The following CHRM3 variants were observed in gnomAD, a reference collection of about 807,000 sequenced individuals.
CHRM3 encodes cholinergic receptor muscarinic 3.
A neutral mutation model predicts 41.8 loss-of-function variants in CHRM3; 11 were observed. The ratio of observed to expected loss-of-function variants is 0.26; its 90% CI spans 0.17 to 0.44. The LOEUF (loss-of-function observed/expected upper bound fraction) is 0.44, where lower values mean the gene tolerates loss of function less well. Among genes scored for constraint, CHRM3 ranks in the 20% least tolerant of loss-of-function variants. CHRM3 has a pLI of 1.00. For missense variants in CHRM3, 571 were observed against 745.4 expected (o/e 0.77, Z 2.72); for synonymous variants, 297 against 301.4 (o/e 0.99, Z 0.15).
At chr1:239,722,283 C>A (rs567037716) in intron 5 of CHRM3, among the ~76,000 whole-genome samples, 1 of 152,004 alleles carries the variant, frequency 6.6e-6, no homozygotes, top group South Asian at 2.1e-4. Context: ...GACTCAATAG[C>A]TAACAAAACA....
chr1:239,784,775 T>C (rs1346534455), intron 5 of CHRM3, among the ~76,000 whole-genome samples: 2 of 152,216 alleles, frequency 1.3e-5, no homozygotes, highest in East Asian at 3.8e-4. Context: ...AGTGACTGAA[T>C]TAACTTATTA....
At chr1:239,859,431 T>G (rs77271811) in intron 6 of CHRM3, among the ~76,000 whole-genome samples, 64,814 of 136,586 alleles carry the variant, frequency 0.47, 16,000 homozygotes, top group Middle Eastern at 0.57. Context: ...TTTTTTTTTT[T>G]GTTTTTTTTT....
intron 5 of CHRM3, among the ~76,000 whole-genome samples, chr1:239,787,433 C>T (rs1668993685): frequency 6.6e-6 from 1 of 151,932 alleles, no homozygotes; most frequent in African/African-American, 2.4e-5. Flanking sequence ...TTGAAAGAAG[C>T]CAGCCTGGAG....
At chr1:239,742,962 A>G (rs534026527) in intron 5 of CHRM3, among the ~76,000 whole-genome samples, 1 of 152,298 alleles carries the variant, frequency 6.6e-6, no homozygotes, top group East Asian at 1.9e-4. Flanking sequence ...TTGGACAGCT[A>G]CCAGGTTTAT....
At chr1:239,410,574 C>T (rs900083788) in intron 1 of CHRM3, among the ~76,000 whole-genome samples, 14 of 152,116 alleles carry the variant, frequency 9.2e-5, no homozygotes, top group African/African-American at 3.1e-4. Flanking sequence ...CTGGCCACGG[C>T]GAGACAGCAG....
intron 1 of CHRM3, among the ~76,000 whole-genome samples, chr1:239,417,565 G>A (rs1162079223): frequency 4.1e-5 from 6 of 144,738 alleles, no homozygotes; most frequent in African/African-American, 1.5e-4. Context: ...TGAGAAAATA[G>A]GTAAGATTAA....
At chr1:239,751,481 T>G (rs1665821840) in intron 5 of CHRM3, among the ~76,000 whole-genome samples, 1 of 152,310 alleles carries the variant, frequency 6.6e-6, no homozygotes, top group East Asian at 1.9e-4. Flanking sequence ...TTTACATCAG[T>G]CTTCTCCAAC....
At chr1:239,787,583 C>T (rs1572291044) in intron 5 of CHRM3, among the ~76,000 whole-genome samples, 1 of 152,000 alleles carries the variant, frequency 6.6e-6, no homozygotes, top group Non-Finnish European at 1.5e-5. Flanking sequence ...AAGGTCCTTG[C>T]GACATTAGGA....
chr1:239,506,155 G>A (rs1668557294), intron 2 of CHRM3, among the ~76,000 whole-genome samples: 1 of 152,196 alleles, frequency 6.6e-6, no homozygotes, highest in African/African-American at 2.4e-5. Context: ...CATTTTCTGA[G>A]GAGAAATTCA....
intron 5 of CHRM3, among the ~76,000 whole-genome samples, chr1:239,699,188 A>G (rs928816662): frequency 6.6e-6 from 1 of 151,984 alleles, no homozygotes; most frequent in Non-Finnish European, 1.5e-5. Context: ...TTTACTACAT[A>G]GTTTTGCAAA....
chr1:239,680,222 C>T (rs1280496765), intron 5 of CHRM3, among the ~76,000 whole-genome samples: 1 of 152,024 alleles, frequency 6.6e-6, no homozygotes, highest in Admixed American at 6.6e-5. Flanking sequence ...TAGAAAATAT[C>T]TGGTTGACTC....
At chr1:239,529,627 A>C (rs1410417981) in intron 2 of CHRM3, among the ~76,000 whole-genome samples, 8 of 73,064 alleles carry the variant, frequency 1.1e-4, no homozygotes, top group South Asian at 4.5e-4. Context: ...AAAAAAAAAA[A>C]AAAACAAACA....
At chr1:239,729,067 G>A (rs373009388) in intron 5 of CHRM3, among the ~76,000 whole-genome samples, 5 of 152,002 alleles carry the variant, frequency 3.3e-5, no homozygotes, top group African/African-American at 1.2e-4. Context: ...CATTTGCATT[G>A]CTGGTGTAAA....
rs1389379901 is a variant in CHRM3 at position 239,913,562 on chromosome 1, T to A, written c.*4338T>A. The A allele has an allele frequency of 6.0e-6, 1 of 167,018 alleles. No homozygotes were observed. The highest frequency in any genetic ancestry group is 1.5e-5 in the Non-Finnish European group (1 of 68,132). 10.3% of individuals were successfully genotyped at this position (167,018 alleles called of 1,614,324 possible). The stretch of plus-strand genomic sequence containing the variant: ...AATCTTCAGCCTCTCCCAGCATTAA[T>A]GTGTGAGTCAACATTGCAGACCTGA... On this transcript the variant is annotated 3_prime_UTR_variant, in exon 7 of 7. Transcript: ENST00000676153.
chr1:239,846,382 A>G (rs1241343338), intron 6 of CHRM3, among the ~76,000 whole-genome samples: 1 of 152,240 alleles, frequency 6.6e-6, no homozygotes, highest in East Asian at 1.9e-4. Context: ...TGTTGTTACA[A>G]GTTTGAAAAA....
At chr1:239,676,684 T>C in intron 4 of CHRM3, among the ~76,000 whole-genome samples, 1 of 152,150 alleles carries the variant, frequency 6.6e-6, no homozygotes, top group Admixed American at 6.6e-5. Flanking sequence ...AATCACCCTG[T>C]GGTATTGGGC....
chr1:239,423,639 G>A (rs1260496782), intron 1 of CHRM3, among the ~76,000 whole-genome samples: 2 of 152,220 alleles, frequency 1.3e-5, no homozygotes, highest in East Asian at 3.9e-4. Flanking sequence ...AGATTCTAAG[G>A]TAGGATTAAA....
chr1:239,893,843 C>T (rs1183311736), intron 6 of CHRM3, among the ~76,000 whole-genome samples: 1 of 151,804 alleles, frequency 6.6e-6, no homozygotes, highest in Non-Finnish European at 1.5e-5. Context: ...CTATTCATCT[C>T]ACAATAGTTT....
chr1:239,744,415 G>A (rs1572159361), intron 5 of CHRM3, among the ~76,000 whole-genome samples: 1 of 152,224 alleles, frequency 6.6e-6, no homozygotes, highest in South Asian at 2.1e-4. Flanking sequence ...TTTTAGGTAG[G>A]AATTTCAGGG....
Sources: allele counts gnomAD v4.1 joint callset (sites outside exome capture counted in the v4.1 genomes callset), GRCh38; gene constraint gnomAD v4.1.1; transcripts MANE v1.5; gene names NCBI Gene and HGNC (gene_info 2026-07-23, HGNC 2026-07-21).